The following A2M variants were observed in gnomAD, a reference collection of about 807,000 sequenced individuals.
A2M encodes the protein alpha-2-macroglobulin.
A neutral mutation model predicts 183.9 loss-of-function variants in A2M; 128 were observed. That is an observed-to-expected ratio of 0.70 (90% CI 0.60 to 0.81). A2M has a LOEUF of 0.81. Ranked by LOEUF, A2M falls within the 30% of genes least tolerant of loss-of-function variation. The probability of loss-of-function intolerance (pLI) is 0.00; values close to 1 mark genes in which losing one functional copy is unlikely to be tolerated. For missense variants in A2M, 1,495 were observed against 1,787.6 expected (o/e 0.84, Z 2.95); for synonymous variants, 592 against 670.8 (o/e 0.88, Z 1.81).
At chr12:9,089,400 A>G (rs957412052) in intron 21 of A2M, 149 bp from the exon 22 acceptor site, 16 of 653,448 alleles carry the variant, frequency 2.4e-5, no homozygotes, top group Admixed American at 2.4e-4. Flanking sequence ...CAATATACGT[A>G]GGAGGTAGTT....
intron 32 of A2M, among the ~76,000 whole-genome samples, 182 bp downstream of exon 32, chr12:9,070,306 A>G (rs10771310): frequency 0.37 from 55,607 of 152,154 alleles, 10,786 homozygotes; most frequent in African/African-American, 0.45. Flanking sequence ...GGGTCCTAGC[A>G]CAGTGCTCTG....
chr12:9,112,233 T>C, intron 3 of A2M, 22 bp from the exon 4 acceptor site: 1 of 1,613,820 alleles, frequency 6.2e-7, no homozygotes, highest in Non-Finnish European at 8.5e-7. Flanking sequence ...ATATTTTTCA[T>C]GAGCCCCCAA....
At chr12:9,076,638 G>A (rs1948755026) in intron 28 of A2M, 118 bp downstream of exon 28, 5 of 868,162 alleles carry the variant, frequency 5.8e-6, no homozygotes, top group Non-Finnish European at 8.9e-6. Flanking sequence ...AAATATATAT[G>A]ATATATAGAA....
At chr12:9,080,242 T>G in intron 22 of A2M, 65 bp from the exon 23 acceptor site, 7 of 1,148,012 alleles carry the variant, frequency 6.1e-6, no homozygotes, top group South Asian at 1.4e-5. Context: ...TAAACAGCTC[T>G]ATGACCCAGA....
At position 9,104,419 on chromosome 12, in the gene A2M, G is replaced by T. The variant is rs545714579; in HGVS notation, c.1105-19C>A. The T allele has an allele frequency of 4.9e-4, 767 of 1,566,010 alleles. No individual in the cohort carries two copies. The highest frequency in any genetic ancestry group is 6.3e-4 in the Non-Finnish European group (723 of 1,154,228). The stretch of plus-strand genomic sequence containing the variant: ...GGCGCACCTGAAGATTAAAAGCTGT[G>T]GATTAGTTATATTGGTAATAACTAA... On this transcript the variant is annotated intron_variant, in intron 10 of 35. Coordinates refer to ENST00000318602, the MANE Select transcript of A2M (RefSeq NM_000014.6).
intron 28 of A2M, among the ~76,000 whole-genome samples, chr12:9,074,990 A>G (rs190413423): frequency 3.3e-5 from 5 of 152,330 alleles, no homozygotes; most frequent in Admixed American, 2.0e-4. Context: ...TCAGAAGCCT[A>G]TGCCTATCTA....
At chr12:9,099,580 G>T (rs1338237589) in intron 13 of A2M, 57 bp from the exon 14 acceptor site, 6 of 1,545,144 alleles carry the variant, frequency 3.9e-6, no homozygotes, top group Non-Finnish European at 5.2e-6. Flanking sequence ...ATTTCCATTA[G>T]TAGATGTAAC....
intron 6 of A2M, 37 bp from the exon 7 acceptor site, chr12:9,109,442 T>C: frequency 6.5e-7 from 1 of 1,537,650 alleles, no homozygotes; most frequent in Non-Finnish European, 9.0e-7. Context: ...GTGATTGGTT[T>C]TCAACTTTGG....
chr12:9,103,159 A>G (rs1359979956), intron 11 of A2M, among the ~76,000 whole-genome samples: 2 of 152,190 alleles, frequency 1.3e-5, no homozygotes, highest in Non-Finnish European at 2.9e-5. Context: ...ACTAAATGCT[A>G]ATTATGTTAG....
chr12:9,081,675 TA>T (rs1158810989), intron 22 of A2M, among the ~76,000 whole-genome samples: 1 of 152,126 alleles, frequency 6.6e-6, no homozygotes, highest in African/African-American at 2.4e-5. Context: ...CAATGCCAGA[TA>T]GAGAGGAGTT....
intron 10 of A2M, among the ~76,000 whole-genome samples, chr12:9,105,877 T>C (rs1434552418): frequency 6.6e-6 from 1 of 152,178 alleles, no homozygotes; most frequent in Non-Finnish European, 1.5e-5. Context: ...CTGGTCAGCA[T>C]GAATTTTGAG....
rs762702085 is a variant in A2M at position 9,090,495 on chromosome 12, A to G, written c.2470-13T>C. The G allele has an allele frequency of 5.6e-6, 9 of 1,613,122 alleles. No homozygotes were observed. The highest frequency in any genetic ancestry group is 7.6e-6 in the Non-Finnish European group (9 of 1,179,176). On this transcript the variant is annotated splice_polypyrimidine_tract_variant and intron_variant, in intron 19 of 35. Transcript: ENST00000318602. Reference sequence around the variant, plus strand: ...GCTGCACACTGACCTGAAACCACACATAAGAAAGGGAGTAGAGAGGGAAGG... The same window carrying G: ...GCTGCACACTGACCTGAAACCACACGTAAGAAAGGGAGTAGAGAGGGAAGG...
chr12:9,090,550 A>C (rs1197124040), intron 19 of A2M, 68 bp from the exon 20 acceptor site: 1 of 1,542,218 alleles, frequency 6.5e-7, no homozygotes, highest in Non-Finnish European at 8.9e-7. Flanking sequence ...TTTGAAGTAA[A>C]GCATCTTGAG....
At position 9,089,960 on chromosome 12, in the gene A2M, A is replaced by G; in HGVS notation, c.2660T>C (p.Val887Ala). 6.2e-7 allele frequency: 1 copy of G among 1,612,514 alleles called. No homozygotes were observed. Reference protein sequence around the residue: ...LESQELCGTEVPSVPEHGRKD... With the variant: ...LESQELCGTEAPSVPEHGRKD... Reference sequence around the variant, plus strand: ...CCTTCCGTGTTCAGGAACTGAAGGCACCTCAGTCCCACACAGCTCTTGAGA... The same window carrying G: ...CCTTCCGTGTTCAGGAACTGAAGGCGCCTCAGTCCCACACAGCTCTTGAGA... Residue 887 changes from valine to alanine, a missense_variant, in exon 21 of 36, where the codon GTG becomes GCG. Transcript: ENST00000318602.
chr12:9,092,197 G>T (rs1465940151), intron 18 of A2M, among the ~76,000 whole-genome samples: 1 of 151,994 alleles, frequency 6.6e-6, no homozygotes, highest in East Asian at 1.9e-4. Flanking sequence ...CCCCTGGCTC[G>T]CCCCACGGAT....
chr12:9,079,524 C>T, intron 24 of A2M, 115 bp downstream of exon 24: 1 of 1,103,684 alleles, frequency 9.1e-7, no homozygotes, highest in East Asian at 2.5e-5. Context: ...ACTATCATAG[C>T]AGCTATCATA....
At position 9,113,548 on chromosome 12, in the gene A2M, G is replaced by C; in HGVS notation, c.87-5C>G. On this transcript the variant is annotated splice_polypyrimidine_tract_variant and splice_region_variant and intron_variant, in intron 1 of 35. Coordinates refer to ENST00000318602, the MANE Select transcript of A2M (RefSeq NM_000014.6). ...GGGACCAGAACCATATACTGCCTGG[G>C]AATGAGACGGTTCAGTTAGAGGAAA... The C allele has an allele frequency of 1.2e-6, 2 of 1,612,118 alleles. No individual in the cohort carries two copies. Among genetic ancestry groups the C allele is most frequent in the Non-Finnish European group, 1.7e-6 (2 of 1,179,132 alleles).
rs759128463 is a variant in A2M, at chr12:9,101,540, T to C, written c.1401A>G (p.Glu467=). The C allele has an allele frequency of 1.2e-6, 2 of 1,613,818 alleles. No homozygotes were observed. The highest frequency in any genetic ancestry group is 2.2e-5 in the East Asian group (1 of 44,894). Residue 467 remains glutamate (E), a synonymous_variant, in exon 12 of 36, where the codon GAA becomes GAG. Transcript: ENST00000318602. ...SFVHLEPMSH[E]LPCGHTQTVQ... is the part of the protein sequence containing the mutation. ...CTGTCTGAGTATGGCCACAGGGTAG[T>C]TCATGAGACATGGGCTCAAGGTGGA...
chr12:9,079,383 G>A (rs372368858), intron 24 of A2M, 52 bp from the exon 25 acceptor site: 10 of 1,540,234 alleles, frequency 6.5e-6, no homozygotes, highest in Non-Finnish European at 9.0e-6. Flanking sequence ...GCATGCTGAG[G>A]GTGGAGAAAT....
Sources: gnomAD v4.1 joint callset for allele counts (sites outside exome capture counted in the v4.1 genomes callset) on GRCh38, gnomAD v4.1.1 for gene constraint, MANE v1.5 for transcripts, NCBI Gene and HGNC (gene_info 2026-07-23, HGNC 2026-07-21) for gene names.